Variants in ADAMTSL1 observed in about 807,000 individuals in gnomAD.
ADAMTSL1 encodes ADAMTS like 1.
ADAMTSL1 carries 126 observed loss-of-function variants against 201.8 expected under a neutral mutation model. That is an observed-to-expected ratio of 0.62 (90% CI 0.54 to 0.72). ADAMTSL1 has a LOEUF of 0.72. ADAMTSL1 is among the 30% of genes least tolerant of loss of function. ADAMTSL1 has a pLI of 0.00. For synonymous variants in ADAMTSL1, 1,121 were observed against 903.4 expected, an observed-to-expected ratio of 1.24 and a Z score of -4.32; for missense variants, 2,679 against 2,277.8, an observed-to-expected ratio of 1.18 and a Z score of -3.59.
chr9:18,859,515 C>T (rs1025495565), intron 23 of ADAMTSL1, among the ~76,000 whole-genome samples: 2 of 152,148 alleles, frequency 1.3e-5, no homozygotes, highest in African/African-American at 2.4e-5. Flanking sequence ...GTGTGGATTT[C>T]TTTAGGGGGG....
At chr9:18,543,952 A>G (rs1196422429) in intron 3 of ADAMTSL1, among the ~76,000 whole-genome samples, 1 of 151,560 alleles carries the variant, frequency 6.6e-6, no homozygotes, top group Admixed American at 6.6e-5. Flanking sequence ...CTTCTCCTTA[A>G]TGTGTTCTCA....
chr9:18,642,965 A>G (rs757060962), intron 7 of ADAMTSL1, among the ~76,000 whole-genome samples: 1 of 152,132 alleles, frequency 6.6e-6, no homozygotes, highest in African/African-American at 2.4e-5. Context: ...TTGCTGGATC[A>G]TATGGTAGTT....
chr9:18,052,376 G>C (rs1249399134), intron 1 of ADAMTSL1, among the ~76,000 whole-genome samples: 1 of 152,202 alleles, frequency 6.6e-6, no homozygotes, highest in Non-Finnish European at 1.5e-5. Context: ...AGGGTTTTCT[G>C]GGGTAGTGAC....
intron 1 of ADAMTSL1, among the ~76,000 whole-genome samples, chr9:18,115,713 A>G (rs1308109413): frequency 6.6e-6 from 1 of 152,096 alleles, no homozygotes; most frequent in African/African-American, 2.4e-5. Flanking sequence ...TGTGGCATAG[A>G]GAGGTTGTTC....
chr9:18,856,973 A>G (rs1448461036), intron 23 of ADAMTSL1, among the ~76,000 whole-genome samples: 2 of 152,072 alleles, frequency 1.3e-5, no homozygotes, highest in African/African-American at 2.4e-5. Context: ...GCCATCGGCA[A>G]TTTCACCTTG....
intron 2 of ADAMTSL1, among the ~76,000 whole-genome samples, chr9:18,166,520 G>A (rs1827639922): frequency 6.6e-6 from 1 of 151,876 alleles, no homozygotes; most frequent in Non-Finnish European, 1.5e-5. Flanking sequence ...TATCTGTCAC[G>A]ACGTCTCTTC....
chr9:18,527,145 AG>A (rs2132069179), intron 2 of ADAMTSL1, among the ~76,000 whole-genome samples: 1 of 152,262 alleles, frequency 6.6e-6, no homozygotes, highest in East Asian at 1.9e-4. Context: ...AAAAGCAAAA[AG>A]AAAAAAACCA....
chr9:18,521,957 G>A (rs1432959890), intron 2 of ADAMTSL1, among the ~76,000 whole-genome samples: 3 of 152,138 alleles, frequency 2.0e-5, no homozygotes, highest in African/African-American at 7.2e-5. Context: ...ACAGACTCCA[G>A]TTCTAGTCCC....
intron 5 of ADAMTSL1, among the ~76,000 whole-genome samples, chr9:18,634,808 C>T (rs1214952598): frequency 9.1e-6 from 1 of 110,016 alleles, no homozygotes; most frequent in Non-Finnish European, 2.0e-5. Flanking sequence ...CACTGCACTC[C>T]AGCCTGGGTG....
chr9:18,201,675 A>G (rs1279480701), intron 2 of ADAMTSL1, among the ~76,000 whole-genome samples: 1 of 152,144 alleles, frequency 6.6e-6, no homozygotes, highest in African/African-American at 2.4e-5. Context: ...ACAAGAATAA[A>G]ACCATTTTAC....
intron 1 of ADAMTSL1, among the ~76,000 whole-genome samples, chr9:18,496,718 G>T (rs1822552143): frequency 6.6e-6 from 1 of 152,146 alleles, no homozygotes; most frequent in Non-Finnish European, 1.5e-5. Flanking sequence ...TCTCCAACAG[G>T]AATTCTTCCT....
intron 2 of ADAMTSL1, among the ~76,000 whole-genome samples, chr9:18,389,003 C>T (rs1460463713): frequency 6.6e-6 from 1 of 152,114 alleles, no homozygotes; most frequent in South Asian, 2.1e-4. Flanking sequence ...GATCCACCCT[C>T]CTCGGCCTCC....
chr9:18,076,980 G>A (rs571056080), intron 1 of ADAMTSL1, among the ~76,000 whole-genome samples: 9 of 152,258 alleles, frequency 5.9e-5, no homozygotes, highest in African/African-American at 2.2e-4. Flanking sequence ...GGCTACGGAA[G>A]ATAAAGAAAA....
chr9:18,299,128 C>T (rs765881961), intron 2 of ADAMTSL1, among the ~76,000 whole-genome samples: 1 of 151,974 alleles, frequency 6.6e-6, no homozygotes, highest in African/African-American at 2.4e-5. Context: ...TTGTTATCAC[C>T]ATTTTGCAGA....
At chr9:18,334,033 C>T (rs1338640350) in intron 2 of ADAMTSL1, among the ~76,000 whole-genome samples, 1 of 152,104 alleles carries the variant, frequency 6.6e-6, no homozygotes, top group Non-Finnish European at 1.5e-5. Flanking sequence ...TAAAGTGAAA[C>T]CAACTTTGAT....
At chr9:18,795,545 C>A in intron 20 of ADAMTSL1, 21 bp downstream of exon 20, 2 of 1,589,714 alleles carry the variant, frequency 1.3e-6, no homozygotes, top group Non-Finnish European at 8.6e-7. Flanking sequence ...AATCCCTGTT[C>A]TGTTCATTTC....
chr9:17,934,646 C>T (rs1419425967), intron 1 of ADAMTSL1, among the ~76,000 whole-genome samples: 3 of 152,070 alleles, frequency 2.0e-5, no homozygotes, highest in South Asian at 2.1e-4. Context: ...TCAGACCTGC[C>T]GCATTTCTTT....
In ADAMTSL1 at chr9:18,110,247, T is replaced by G. The variant is rs570748221; in HGVS notation, c.88-53615T>G. Among the ~76,000 whole-genome samples the G allele has an allele frequency of 3.3e-5, 5 of 152,210 alleles. No individual in the cohort carries two copies. The East Asian group carries it at 5.8e-4, about 18-fold the overall frequency. Reference sequence around the variant, plus strand: ...GATCTGAGGGCCGTTGGCTATAGAGTGTCTAATTCTCAGCTCTCTGGCATC... The same window carrying G: ...GATCTGAGGGCCGTTGGCTATAGAGGGTCTAATTCTCAGCTCTCTGGCATC... On this transcript the variant is annotated intron_variant, in intron 1 of 29. Transcript: ENST00000680146.
intron 2 of ADAMTSL1, among the ~76,000 whole-genome samples, chr9:18,187,412 T>C (rs1828787497): frequency 6.6e-6 from 1 of 152,208 alleles, no homozygotes; most frequent in Non-Finnish European, 1.5e-5. Context: ...ACATTGGGAC[T>C]ATTCAGTCTT....
Sources: allele counts gnomAD v4.1 joint callset (sites outside exome capture counted in the v4.1 genomes callset), GRCh38; gene constraint gnomAD v4.1.1; transcripts MANE v1.5; gene names NCBI Gene and HGNC (gene_info 2026-07-23, HGNC 2026-07-21).